Variants in MGST2 observed in about 807,000 individuals in gnomAD.
The protein encoded by MGST2 is microsomal glutathione S-transferase 2, also known as glutathione peroxidase MGST2.
Under a neutral mutation model 16.6 loss-of-function variants are expected in MGST2, and 9 were observed. That is an observed-to-expected ratio of 0.54 (90% CI 0.33 to 0.95). The LOEUF is 0.95. Ranked by LOEUF, MGST2 falls within the 40% of genes least tolerant of loss-of-function variation. MGST2 has a pLI of 0.03. For synonymous variants in MGST2, 79 were observed against 68.0 expected, an observed-to-expected ratio of 1.16 and a Z score of -0.79; for missense variants, 159 against 175.1, an observed-to-expected ratio of 0.91 and a Z score of 0.52.
chr4:139,728,436 T>C (rs1210931292), intron 5 of MGST2, among the ~76,000 whole-genome samples: 2 of 152,218 alleles, frequency 1.3e-5, no homozygotes, highest in African/African-American at 4.8e-5. Flanking sequence ...AAACATTTTA[T>C]ACACATGATC....
chr4:139,684,953 G>T (rs764806875), intron 2 of MGST2, among the ~76,000 whole-genome samples: 2 of 152,136 alleles, frequency 1.3e-5, no homozygotes, highest in African/African-American at 4.8e-5. Context: ...GGGCAGCTAA[G>T]CCCTCCTTAT....
At chr4:139,669,050 T>C in intron 1 of MGST2, among the ~76,000 whole-genome samples, 1 of 152,268 alleles carries the variant, frequency 6.6e-6, no homozygotes, top group East Asian at 1.9e-4. Context: ...GGACTAACAT[T>C]AAGGTCTGTT....
At chr4:139,730,646 G>C (rs764252473) in intron 5 of MGST2, 2 of 1,612,880 alleles carry the variant, frequency 1.2e-6, no homozygotes, top group Non-Finnish European at 1.7e-6. Flanking sequence ...GTGGTTCGGG[G>C]AAGTCCAACT....
chr4:139,725,449 A>C (rs1172233421), intron 5 of MGST2, among the ~76,000 whole-genome samples: 2 of 152,136 alleles, frequency 1.3e-5, no homozygotes, highest in African/African-American at 2.4e-5. Context: ...AAACTATTAC[A>C]ATACTATGTA....
At chr4:139,673,494 C>T (rs1465438548) in intron 1 of MGST2, among the ~76,000 whole-genome samples, 4 of 152,176 alleles carry the variant, frequency 2.6e-5, no homozygotes, top group Non-Finnish European at 5.9e-5. Flanking sequence ...GCAGCCTTGT[C>T]CTCCCAGGCT....
chr4:139,700,360 T>A (rs1403039653), intron 3 of MGST2, among the ~76,000 whole-genome samples: 1 of 152,078 alleles, frequency 6.6e-6, no homozygotes, highest in South Asian at 2.1e-4. Flanking sequence ...CTCGATCTCC[T>A]GATCTCGTGA....
chr4:139,746,696 C>G, the MGST2 span, among the ~76,000 whole-genome samples: 1 of 152,146 alleles, frequency 6.6e-6, no homozygotes, highest in Non-Finnish European at 1.5e-5. Flanking sequence ...CGCAGGCAGC[C>G]AATTTGTTTT....
chr4:139,733,464 AAG>A (rs964918652), intron 5 of MGST2, among the ~76,000 whole-genome samples: 1 of 152,034 alleles, frequency 6.6e-6, no homozygotes, highest in African/African-American at 2.4e-5. Context: ...TGGGAAAAGA[AAG>A]AGAGAGGCAA....
At chr4:139,697,648 C>G (rs1479805187) in intron 3 of MGST2, among the ~76,000 whole-genome samples, 1 of 152,058 alleles carries the variant, frequency 6.6e-6, no homozygotes, top group African/African-American at 2.4e-5. Context: ...ATTTTAATAG[C>G]AAACTTACAG....
At chr4:139,680,547 C>T (rs147953967) in intron 2 of MGST2, among the ~76,000 whole-genome samples, 123 of 152,256 alleles carry the variant, frequency 8.1e-4, no homozygotes, top group African/African-American at 2.8e-3. Flanking sequence ...CTGTCACCAT[C>T]CTAGAAATTT....
chr4:139,675,517 C>T (rs774949074), intron 1 of MGST2, among the ~76,000 whole-genome samples: 2 of 152,184 alleles, frequency 1.3e-5, no homozygotes, highest in African/African-American at 2.4e-5. Flanking sequence ...AACAGGGAAA[C>T]GTCGGCAGGT....
intron 2 of MGST2, among the ~76,000 whole-genome samples, chr4:139,686,043 C>T (rs907585245): frequency 6.6e-6 from 1 of 152,170 alleles, no homozygotes; most frequent in African/African-American, 2.4e-5. Flanking sequence ...AACACGTGCC[C>T]AGTTTGTTTG....
intron 1 of MGST2, among the ~76,000 whole-genome samples, chr4:139,671,638 T>C (rs1459993285): frequency 6.6e-6 from 1 of 151,442 alleles, no homozygotes; most frequent in Non-Finnish European, 1.5e-5. Flanking sequence ...CTAATTTTTG[T>C]TGTTGTTCTT....
Position 139,698,625 on chromosome 4 carries a change from C to T in MGST2, c.229+3358C>T, listed in dbSNP as rs1470155022. On this transcript the variant is annotated intron_variant, in intron 3 of 4. Transcript: ENST00000265498. ...CTCGGCGAGCGAGAGGCGGCGCTGG[C>T]GTTGGAGAGCCAAGTATGTGTTTCT... The T allele has an allele frequency of 8.0e-5, 68 of 846,892 alleles. 1 individual carries two copies. Among genetic ancestry groups the T allele is most frequent in the Non-Finnish European group, 9.2e-5 (46 of 501,110 alleles). The allele number at this position is 846,892 out of a possible 1,614,324, so 52.5% of individuals were successfully genotyped here.
chr4:139,674,648 G>A (rs1730874099), intron 1 of MGST2, among the ~76,000 whole-genome samples: 1 of 152,038 alleles, frequency 6.6e-6, no homozygotes, highest in Non-Finnish European at 1.5e-5. Context: ...GGGCATGGTG[G>A]CACATGCCTG....
chr4:139,710,944 A>AGAAAGAGAGTG (rs1727715670), intron 5 of MGST2, among the ~76,000 whole-genome samples: 1 of 152,084 alleles, frequency 6.6e-6, no homozygotes, highest in Non-Finnish European at 1.5e-5. Context: ...TAGGGGAAAA[A>AGAAAGAGAGTG]GAAAGAGAGT....
downstream of MGST2, among the ~76,000 whole-genome samples, chr4:139,741,948 A>G (rs996593800): frequency 9.9e-5 from 15 of 152,192 alleles, no homozygotes; most frequent in African/African-American, 2.4e-4. Flanking sequence ...AAAAATAGAA[A>G]TGGCTCAGGT....
At chr4:139,748,321 C>A in the MGST2 span, among the ~76,000 whole-genome samples, 1 of 152,128 alleles carries the variant, frequency 6.6e-6, no homozygotes, top group Non-Finnish European at 1.5e-5. Flanking sequence ...TATCACTTTC[C>A]TTTCAGGGGC....
intron 3 of MGST2, among the ~76,000 whole-genome samples, chr4:139,697,315 TC>T (rs906294033): frequency 3.9e-5 from 6 of 152,086 alleles, no homozygotes; most frequent in African/African-American, 1.2e-4. Context: ...TTTTTTTTTC[TC>T]CCCCGGGACA....
Sources: gnomAD v4.1 joint callset for allele counts (sites outside exome capture counted in the v4.1 genomes callset) on GRCh38, gnomAD v4.1.1 for gene constraint, MANE v1.5 for transcripts, NCBI Gene and HGNC (gene_info 2026-07-23, HGNC 2026-07-21) for gene names.